KCNQ1OT1: variants seen among roughly 807,000 people sequenced by gnomAD.
KCNQ1OT1 encodes the protein KCNQ1 opposite strand/antisense transcript 1.
In KCNQ1OT1 at chr11:2,659,548, A is replaced by C; in HGVS notation, n.40447T>G. 1 of 398,572 alleles carries C rather than the reference A, an allele frequency of 2.5e-6. No homozygotes were observed. The highest frequency in any genetic ancestry group is 4.4e-6 in the Non-Finnish European group (1 of 226,028). 24.7% of individuals were successfully genotyped at this position (398,572 alleles called of 1,614,324 possible). On this transcript the variant is annotated non_coding_transcript_exon_variant, in exon 1 of 1. Transcript: ENST00000597346. This position sits in a 1 kb window ranked among gnomAD's most constrained non-coding sequence, Gnocchi z 4.3. ...TTGTTTCCAGTATTTGGTAATTATG[A>C]GCAGAGTTACTATACACATTTATGT...
Position 2,617,337 on chromosome 11 carries a change from T to A in KCNQ1OT1, n.82658A>T. On this transcript the variant is annotated non_coding_transcript_exon_variant, in exon 1 of 1. Coordinates refer to ENST00000597346, the Ensembl canonical transcript of KCNQ1OT1. The surrounding 1 kb of genome is among the most constrained non-coding windows in gnomAD (Gnocchi z 4.6). ...AGGTGAGATTATTTAAAACTTTTCA[T>A]TTGTATATGGCTTATTTAACTTAGC... is the stretch of plus-strand genomic sequence containing the variant. 1 of 398,466 alleles carries A rather than the reference T, an allele frequency of 2.5e-6. No individual in the cohort carries two copies. The highest frequency in any genetic ancestry group is 4.4e-6 in the Non-Finnish European group (1 of 225,934). The allele number at this position is 398,466 out of a possible 1,614,324, so 24.7% of individuals were successfully genotyped here.
Position 2,695,333 on chromosome 11 carries a change from T to C in KCNQ1OT1, n.4662A>G, listed in dbSNP as rs771892667. On this transcript the variant is annotated non_coding_transcript_exon_variant, in exon 1 of 1. Coordinates refer to ENST00000597346, the Ensembl canonical transcript of KCNQ1OT1. This position sits in a 1 kb window ranked among gnomAD's most constrained non-coding sequence, Gnocchi z 5.2. ...AGGGTAATTTATTTATATCATTGTG[T>C]GTGTGTGTGTGCACTCACGAGCACT... The C allele has an allele frequency of 1.8e-5, 7 of 398,394 alleles. No homozygotes were observed. Among genetic ancestry groups the C allele is most frequent in the Non-Finnish European group, 2.7e-5 (6 of 226,094 alleles). The allele number at this position is 398,394 out of a possible 1,614,324, so 24.7% of individuals were successfully genotyped here. A position where few individuals can be genotyped will look rare whatever the true frequency, so the allele number is the denominator to read the frequency against.
rs1849648295 is a variant in KCNQ1OT1, at chr11:2,645,220, C to A, written n.54775G>T. On this transcript the variant is annotated non_coding_transcript_exon_variant, in exon 1 of 1. Transcript: ENST00000597346. The surrounding 1 kb of genome is among the most constrained non-coding windows in gnomAD (Gnocchi z 5.8). ...CTGGATGAGCTTGTCCCAAGGCCCA[C>A]AGGTGGCAAATTCAAGTGAATGCCA... 1 of 398,574 alleles carries A rather than the reference C, an allele frequency of 2.5e-6. No individual in the cohort carries two copies. The highest frequency in any genetic ancestry group is 2.1e-5 in the African/African-American group (1 of 48,622). The allele number at this position is 398,574 out of a possible 1,614,324, so 24.7% of individuals were successfully genotyped here. A position where few individuals can be genotyped will look rare whatever the true frequency, so the allele number is the denominator to read the frequency against.
At chr11:2,643,655 T>C (rs904048190) in exon 1 of KCNQ1OT1, 2 of 398,542 alleles carry the variant, frequency 5.0e-6, no homozygotes, top group Non-Finnish European at 8.8e-6. Context: ...TGCAAGGTTA[T>C]TGTTGATATG....
Position 2,698,252 on chromosome 11 carries a change from A to C in KCNQ1OT1, n.1743T>G. 2 of 398,530 alleles carry C rather than the reference A, an allele frequency of 5.0e-6. No individual in the cohort carries two copies. The highest frequency in any genetic ancestry group is 7.1e-5 in the East Asian group (2 of 28,100). 24.7% of individuals were successfully genotyped at this position (398,530 alleles called of 1,614,324 possible). ...TGGATATTATCAGGAAAGTTTTTAT[A>C]CTTTGTGATAATCTAAGACAGAACT... On this transcript the variant is annotated non_coding_transcript_exon_variant, in exon 1 of 1. Transcript: ENST00000597346. The surrounding 1 kb of genome is among the most constrained non-coding windows in gnomAD (Gnocchi z 5.1).
At position 2,654,108 on chromosome 11, in the gene KCNQ1OT1, A is replaced by G; in HGVS notation, n.45887T>C. ...TCCCTTACTTCTCGCCTCTGAGTGG[A>G]GACACAGGTGGTGGCGGGGCCACTC... is the stretch of plus-strand genomic sequence containing the variant. On this transcript the variant is annotated non_coding_transcript_exon_variant, in exon 1 of 1. Transcript: ENST00000597346. This position sits in a 1 kb window ranked among gnomAD's most constrained non-coding sequence, Gnocchi z 6.4. 1 of 398,694 alleles carries G rather than the reference A, an allele frequency of 2.5e-6. No homozygotes were observed. Among genetic ancestry groups the G allele is most frequent in the Non-Finnish European group, 4.4e-6 (1 of 226,142 alleles). 24.7% of individuals were successfully genotyped at this position (398,694 alleles called of 1,614,324 possible).
At position 2,669,181 on chromosome 11, in the gene KCNQ1OT1, G is replaced by C. The variant is rs1319450959; in HGVS notation, n.30814C>G. ...AGTTGTTCTTTGTGGCCAGGACCTTGCTTCCTTCTCACTGTAGTTTGCTAA... is the reference window on the plus strand; with the variant it reads ...AGTTGTTCTTTGTGGCCAGGACCTTCCTTCCTTCTCACTGTAGTTTGCTAA... On this transcript the variant is annotated non_coding_transcript_exon_variant, in exon 1 of 1. Coordinates refer to ENST00000597346, the Ensembl canonical transcript of KCNQ1OT1. The surrounding 1 kb of genome is among the most constrained non-coding windows in gnomAD (Gnocchi z 5.6). 3 of 398,558 alleles carry C rather than the reference G, an allele frequency of 7.5e-6. No individual in the cohort carries two copies. Among genetic ancestry groups the C allele is most frequent in the African/African-American group, 2.1e-5 (1 of 48,640 alleles). The allele number at this position is 398,558 out of a possible 1,614,324, so 24.7% of individuals were successfully genotyped here. A position where few individuals can be genotyped will look rare whatever the true frequency, so the allele number is the denominator to read the frequency against.
In KCNQ1OT1 at chr11:2,626,488, C is replaced by T. The variant is rs1849264168; in HGVS notation, n.73507G>A. 2.5e-6 allele frequency: 1 copy of T among 398,554 alleles called. No homozygotes were observed. The highest frequency in any genetic ancestry group is 4.4e-6 in the Non-Finnish European group (1 of 226,068). The allele number at this position is 398,554 out of a possible 1,614,324, so 24.7% of individuals were successfully genotyped here. The stretch of plus-strand genomic sequence containing the variant: ...TCCATTGGTCTCTACATCTTTATGT[C>T]AATACCACATAGTTTTGATTACTGT... On this transcript the variant is annotated non_coding_transcript_exon_variant, in exon 1 of 1. Coordinates refer to ENST00000597346, the Ensembl canonical transcript of KCNQ1OT1. The surrounding 1 kb of genome is among the most constrained non-coding windows in gnomAD (Gnocchi z 4.0).
At position 2,669,350 on chromosome 11, in the gene KCNQ1OT1, G is replaced by A. The variant is rs780507024; in HGVS notation, n.30645C>T. 42 of 398,510 alleles carry A rather than the reference G, an allele frequency of 1.1e-4. No individual in the cohort carries two copies. Among genetic ancestry groups the A allele is most frequent in the Non-Finnish European group, 1.5e-4 (35 of 226,084 alleles). The allele number at this position is 398,510 out of a possible 1,614,324, so 24.7% of individuals were successfully genotyped here. A position where few individuals can be genotyped will look rare whatever the true frequency, so the allele number is the denominator to read the frequency against. ...TCTAGGCGCAGCAGCCTCTAGATGG[G>A]CATGGGAGAATGGGTATCCTTATAG... On this transcript the variant is annotated non_coding_transcript_exon_variant, in exon 1 of 1. Coordinates refer to ENST00000597346, the Ensembl canonical transcript of KCNQ1OT1. The surrounding 1 kb of genome is among the most constrained non-coding windows in gnomAD (Gnocchi z 5.6).
In KCNQ1OT1 at chr11:2,653,695, A is replaced by G; in HGVS notation, n.46300T>C. ...CATTCAACAGCTCAGGAAGCCCAGC[A>G]GAACGAGGTCATCTCTTCCAGGATT... On this transcript the variant is annotated non_coding_transcript_exon_variant, in exon 1 of 1. Transcript: ENST00000597346. This position sits in a 1 kb window ranked among gnomAD's most constrained non-coding sequence, Gnocchi z 5.3. 1 of 398,734 alleles carries G rather than the reference A, an allele frequency of 2.5e-6. No individual in the cohort carries two copies. Among genetic ancestry groups the G allele is most frequent in the Non-Finnish European group, 4.4e-6 (1 of 226,108 alleles). 24.7% of individuals were successfully genotyped at this position (398,734 alleles called of 1,614,324 possible). A position where few individuals can be genotyped will look rare whatever the true frequency, so the allele number is the denominator to read the frequency against.
chr11:2,692,617 C>T lies in KCNQ1OT1; in HGVS notation n.7378G>A, dbSNP rs953761136. 15 of 398,756 alleles carry T rather than the reference C, an allele frequency of 3.8e-5. No individual in the cohort carries two copies. The South Asian group carries it at 1.8e-3, about 47-fold the overall frequency. The allele number at this position is 398,756 out of a possible 1,614,324, so 24.7% of individuals were successfully genotyped here. A position where few individuals can be genotyped will look rare whatever the true frequency, so the allele number is the denominator to read the frequency against. ...AGTTCCAGTGGGTTCCTGCTATACA[C>T]CTGCTGTGCTCCCAGGCCTCAGCAC... On this transcript the variant is annotated non_coding_transcript_exon_variant, in exon 1 of 1. Transcript: ENST00000597346.
Position 2,658,110 on chromosome 11 carries a change from C to CA in KCNQ1OT1, n.41884dup, listed in dbSNP as rs764022178. 7 of 398,020 alleles carry CA rather than the reference C, an allele frequency of 1.8e-5. No homozygotes were observed. In the South Asian group the frequency reaches 3.8e-4, roughly 22 times the overall value. The allele number at this position is 398,020 out of a possible 1,614,324, so 24.7% of individuals were successfully genotyped here. ...AACTCTACCTCCTGCAGGAGAGTAT[C>CA]AAAAAAAATCTGCAAATATGTTAAA... On this transcript the variant is annotated non_coding_transcript_exon_variant, in exon 1 of 1. Transcript: ENST00000597346. This position sits in a 1 kb window ranked among gnomAD's most constrained non-coding sequence, Gnocchi z 4.9.
exon 1 of KCNQ1OT1, chr11:2,643,233 G>T (rs1017439010): frequency 2.5e-6 from 1 of 398,210 alleles, no homozygotes; most frequent in East Asian, 3.6e-5. Flanking sequence ...TTGTCTAGAT[G>T]ATCTGTCTAA....
chr11:2,666,191 G>A, exon 1 of KCNQ1OT1: 1 of 398,618 alleles, frequency 2.5e-6, no homozygotes. Context: ...ACCGCCCTCA[G>A]TCCCACTCTC....
exon 1 of KCNQ1OT1, chr11:2,629,599 A>G (rs1247549934): frequency 2.5e-6 from 1 of 398,426 alleles, no homozygotes; most frequent in African/African-American, 2.1e-5. Context: ...TCCATTTGCC[A>G]TTGAATGGAC....
At position 2,673,369 on chromosome 11, in the gene KCNQ1OT1, A is replaced by G; in HGVS notation, n.26626T>C. ...ATTAGCAAACAAAGGGAAGTGACAG[A>G]GCAGAGCTCCCCTTGGCCTTTGTTT... On this transcript the variant is annotated non_coding_transcript_exon_variant, in exon 1 of 1. Transcript: ENST00000597346. The surrounding 1 kb of genome is among the most constrained non-coding windows in gnomAD (Gnocchi z 4.5). The G allele has an allele frequency of 2.5e-6, 1 of 398,702 alleles. No homozygotes were observed. Among genetic ancestry groups the G allele is most frequent in the Non-Finnish European group, 4.4e-6 (1 of 226,100 alleles). 24.7% of individuals were successfully genotyped at this position (398,702 alleles called of 1,614,324 possible).
exon 1 of KCNQ1OT1, chr11:2,610,733 T>G: frequency 2.6e-6 from 1 of 384,564 alleles, no homozygotes; most frequent in African/African-American, 2.2e-5. Flanking sequence ...TTTTTTTTTT[T>G]TTTTTTTTTT....
chr11:2,661,404 C>T lies in KCNQ1OT1; in HGVS notation n.38591G>A. On this transcript the variant is annotated non_coding_transcript_exon_variant, in exon 1 of 1. Coordinates refer to ENST00000597346, the Ensembl canonical transcript of KCNQ1OT1. This position sits in a 1 kb window ranked among gnomAD's most constrained non-coding sequence, Gnocchi z 5.9. ...TGTGAAGCCAGCTGTTGGAGGGACT[C>T]CTGTGCCTCATTGGGGGTACAACTG... 2.4e-6 allele frequency: 1 copy of T among 413,422 alleles called. No individual in the cohort carries two copies. The highest frequency in any genetic ancestry group is 4.3e-6 in the Non-Finnish European group (1 of 234,070). 25.6% of individuals were successfully genotyped at this position (413,422 alleles called of 1,614,324 possible).
exon 1 of KCNQ1OT1, chr11:2,630,669 C>T (rs1849338151): frequency 2.5e-6 from 1 of 398,194 alleles, no homozygotes; most frequent in Admixed American, 4.4e-5. Context: ...ATTTATTTAT[C>T]AGTGAATTTT....
Sources: allele counts gnomAD v4.1 joint callset, GRCh38; gene constraint gnomAD v4.1.1; non-coding constraint Gnocchi (gnomAD v3.1); transcripts MANE v1.5; gene names NCBI Gene and HGNC (gene_info 2026-07-23, HGNC 2026-07-21).